PMPCB: variants seen among roughly 807,000 people sequenced by gnomAD.
The protein encoded by PMPCB is mitochondrial-processing peptidase subunit beta.
In PMPCB, 46 loss-of-function variants were observed where a neutral mutation model predicts 61.5. That is an observed-to-expected ratio of 0.75 (90% CI 0.59 to 0.96). The LOEUF is 0.96. Ranked by LOEUF, PMPCB falls within the 40% of genes least tolerant of loss-of-function variation. The pLI is 0.00. For synonymous variants in PMPCB, 191 were observed against 201.6 expected, an observed-to-expected ratio of 0.95 and a Z score of 0.44; for missense variants, 590 against 602.4, an observed-to-expected ratio of 0.98 and a Z score of 0.22.
chr7:103,315,183 TGA>T (rs1271109561), downstream of PMPCB, among the ~76,000 whole-genome samples: 5 of 145,350 alleles, frequency 3.4e-5, no homozygotes, highest in Admixed American at 6.9e-5. Flanking sequence ...TTTTTTTTTT[TGA>T]GTCTTACTAT....
downstream of PMPCB, chr7:103,316,880 T>A (rs1171178247): frequency 6.2e-7 from 1 of 1,613,924 alleles, no homozygotes; most frequent in African/African-American, 1.3e-5. Flanking sequence ...TTAGTAATTG[T>A]AGATCATCTT....
chr7:103,344,426 C>A, the PMPCB span: 2 of 956,260 alleles, frequency 2.1e-6, no homozygotes, highest in South Asian at 1.4e-5. Context: ...CAAAAAGGCA[C>A]TCGTCACGGC....
chr7:103,316,079 A>G, downstream of PMPCB: 2 of 1,576,572 alleles, frequency 1.3e-6, no homozygotes, highest in South Asian at 2.3e-5. Flanking sequence ...AATTAGCAAT[A>G]ACTTCCCATC....
At chr7:103,299,961 A>T (rs529567614) in intron 3 of PMPCB, among the ~76,000 whole-genome samples, 3 of 152,016 alleles carry the variant, frequency 2.0e-5, no homozygotes, top group Admixed American at 1.3e-4. Flanking sequence ...GGGTTTTGCC[A>T]TGTTGGCCTC....
chr7:103,315,138 C>T (rs557894471), downstream of PMPCB, among the ~76,000 whole-genome samples: 5 of 151,152 alleles, frequency 3.3e-5, no homozygotes, highest in South Asian at 1.0e-3. Context: ...CTAGAGTAAT[C>T]ACAACACCCA....
chr7:103,300,095 G>T, intron 3 of PMPCB, 83 bp from the exon 4 acceptor site: 1 of 1,316,138 alleles, frequency 7.6e-7, no homozygotes. Flanking sequence ...ACTAACTTAT[G>T]TCCTCCATAT....
downstream of PMPCB, chr7:103,315,743 G>C (rs369450606): frequency 3.2e-6 from 5 of 1,551,662 alleles, no homozygotes; most frequent in African/African-American, 4.1e-5. Flanking sequence ...CATTTTCTAC[G>C]TTTAGAAAAG....
chr7:103,318,314 C>T (rs1248558804), downstream of PMPCB, among the ~76,000 whole-genome samples: 3 of 152,148 alleles, frequency 2.0e-5, no homozygotes, highest in East Asian at 1.9e-4. Context: ...TACAGGTACA[C>T]GACACCATGC....
At position 103,309,096 on chromosome 7, in the gene PMPCB, G is replaced by T; in HGVS notation, c.993+1G>T. 1 of 1,585,108 alleles carries T rather than the reference G, an allele frequency of 6.3e-7. No individual in the cohort carries two copies. The highest frequency in any genetic ancestry group is 8.6e-7 in the Non-Finnish European group (1 of 1,167,462). On this transcript the variant is annotated splice_donor_variant, in intron 8 of 12. Transcript: ENST00000249269. LOFTEE classifies it high-confidence loss of function. Reference sequence around the variant, plus strand: ...GGATCGCTCTTTTGGGGGAGGAATGGTAAGTGATTTTAAAAGAAATTTTCC... The same window carrying T: ...GGATCGCTCTTTTGGGGGAGGAATGTTAAGTGATTTTAAAAGAAATTTTCC...
the PMPCB span, chr7:103,337,813 T>TG: frequency 3.2e-5 from 51 of 1,611,572 alleles, no homozygotes; most frequent in Non-Finnish European, 4.2e-5. Flanking sequence ...ATCTTGGTTC[T>TG]GGAAAAAAAA....
In PMPCB at chr7:103,307,579, A is replaced by G. The variant is rs1451974204; in HGVS notation, c.737-17A>G. ...ATTGCTGCTAGATACATGTGAAAAT[A>G]TTTTCTTTCAATTTAGGTGTTTCCC... On this transcript the variant is annotated splice_polypyrimidine_tract_variant and intron_variant, in intron 6 of 12. Coordinates refer to ENST00000249269, the MANE Select transcript of PMPCB (RefSeq NM_004279.3). The G allele has an allele frequency of 6.8e-7, 1 of 1,460,240 alleles. No individual in the cohort carries two copies. Among genetic ancestry groups the G allele is most frequent in the Non-Finnish European group, 9.6e-7 (1 of 1,040,124 alleles). 90.5% of individuals were successfully genotyped at this position (1,460,240 alleles called of 1,614,324 possible). A position where few individuals can be genotyped will look rare whatever the true frequency, so the allele number is the denominator to read the frequency against.
downstream of PMPCB, chr7:103,316,800 G>T: frequency 3.8e-6 from 6 of 1,588,086 alleles, no homozygotes; most frequent in Non-Finnish European, 5.2e-6. Flanking sequence ...TCCAGTGTGA[G>T]TTGAAGAAAA....
chr7:103,332,473 G>A (rs375780262), downstream of PMPCB, among the ~76,000 whole-genome samples: 20 of 152,142 alleles, frequency 1.3e-4, 1 homozygote, highest in South Asian at 3.3e-3. Context: ...ATGATTAACC[G>A]ATTCTCCAAT....
intron 4 of PMPCB, among the ~76,000 whole-genome samples, chr7:103,301,865 A>G (rs897120981): frequency 2.6e-5 from 4 of 151,962 alleles, no homozygotes; most frequent in Non-Finnish European, 5.9e-5. Context: ...GGTTTGTTAC[A>G]TATGTATTCA....
At chr7:103,339,860 T>C in the PMPCB span, among the ~76,000 whole-genome samples, 3 of 152,240 alleles carry the variant, frequency 2.0e-5, no homozygotes, top group Non-Finnish European at 4.4e-5. Context: ...TTTTTTGAGA[T>C]AGAGTTTTGC....
intron 8 of PMPCB, 46 bp from the exon 9 acceptor site, chr7:103,310,269 G>T: frequency 6.9e-7 from 1 of 1,447,810 alleles, no homozygotes; most frequent in Non-Finnish European, 9.6e-7. Flanking sequence ...TCTGTATTTT[G>T]GACATGTATA....
chr7:103,324,725 G>A (rs908307728), intron 12 of PMPCB: 2 of 634,230 alleles, frequency 3.2e-6, no homozygotes, highest in Non-Finnish European at 4.7e-6. Context: ...TCAGCAGTGG[G>A]GCATGAAACA....
At chr7:103,337,960 A>C in the PMPCB span, 1 of 622,322 alleles carries the variant, frequency 1.6e-6, no homozygotes, top group Non-Finnish European at 2.8e-6. Flanking sequence ...GTCTATGGTC[A>C]GGTAAGGTTG....
At chr7:103,334,246 C>A (rs143533954), downstream of PMPCB, among the ~76,000 whole-genome samples, 1 of 151,176 alleles carries the variant, frequency 6.6e-6, no homozygotes, top group Non-Finnish European at 1.5e-5. Context: ...CCACTGTGCC[C>A]GGCCTGTTGT....
Sources: gnomAD v4.1 joint callset for allele counts (sites outside exome capture counted in the v4.1 genomes callset) on GRCh38, gnomAD v4.1.1 for gene constraint, MANE v1.5 for transcripts, NCBI Gene and HGNC (gene_info 2026-07-23, HGNC 2026-07-21) for gene names.